The following FARP2 variants were observed in gnomAD, a reference collection of about 807,000 sequenced individuals.
FARP2 encodes FERM, ARHGEF and pleckstrin domain-containing protein 2.
FARP2 carries 111 observed loss-of-function variants against 130.5 expected under a neutral mutation model. The ratio of observed to expected loss-of-function variants is 0.85; its 90% CI spans 0.73 to 1.00. The LOEUF (loss-of-function observed/expected upper bound fraction) is 1.00, where lower values mean the gene tolerates loss of function less well. Ranked by LOEUF, FARP2 falls within the 50% of genes least tolerant of loss-of-function variation. The pLI is 0.00. For missense variants in FARP2, 1,385 were observed against 1,346.3 expected (o/e 1.03, Z -0.45); for synonymous variants, 504 against 516.9 (o/e 0.98, Z 0.34).
chr2:241,464,083 G>A (rs561354995), intron 17 of FARP2, 103 bp downstream of exon 17: 5 of 929,970 alleles, frequency 5.4e-6, no homozygotes, highest in Non-Finnish European at 8.5e-6. Context: ...TCAGAAAAGG[G>A]TCCCCTCAGA....
At chr2:241,453,367 A>G (rs1417100490) in intron 13 of FARP2, among the ~76,000 whole-genome samples, 1 of 151,570 alleles carries the variant, frequency 6.6e-6, no homozygotes, top group African/African-American at 2.4e-5. Context: ...TCATGCCTGT[A>G]ATCCCAGCAC....
At chr2:241,431,457 C>T (rs761808688) in intron 8 of FARP2, among the ~76,000 whole-genome samples, 1 of 151,918 alleles carries the variant, frequency 6.6e-6, no homozygotes, top group Non-Finnish European at 1.5e-5. Flanking sequence ...GCCTGGGCAA[C>T]AGAGCAAGAC....
intron 17 of FARP2, chr2:241,465,780 C>G: frequency 6.4e-7 from 1 of 1,550,446 alleles, no homozygotes; most frequent in South Asian, 1.2e-5. Context: ...CTCCTCCATC[C>G]CTCGCCTGTC....
chr2:241,463,272 G>T, intron 15 of FARP2, 63 bp from the exon 16 acceptor site: 1 of 1,576,528 alleles, frequency 6.3e-7, no homozygotes. Flanking sequence ...AGGCCCTCAG[G>T]GGCACAGTTT....
chr2:241,460,735 TG>T (rs2063990507), intron 14 of FARP2, among the ~76,000 whole-genome samples: 1 of 152,292 alleles, frequency 6.6e-6, no homozygotes, highest in South Asian at 2.1e-4. Context: ...AGCTTCTCTG[TG>T]GGGAGGAGGC....
chr2:241,450,321 G>T (rs1438650168), intron 13 of FARP2, among the ~76,000 whole-genome samples: 1 of 149,842 alleles, frequency 6.7e-6, no homozygotes, highest in Non-Finnish European at 1.5e-5. Flanking sequence ...CATGATTGTG[G>T]CACTCCACTC....
chr2:241,461,411 A>G (rs1179046817), intron 14 of FARP2, among the ~76,000 whole-genome samples: 1 of 151,992 alleles, frequency 6.6e-6, no homozygotes, highest in Non-Finnish European at 1.5e-5. Context: ...CAAAGGGTCC[A>G]GAAGGCCCAC....
intron 1 of FARP2, among the ~76,000 whole-genome samples, chr2:241,360,177 T>C (rs1477657944): frequency 6.6e-6 from 1 of 152,144 alleles, no homozygotes; most frequent in Non-Finnish European, 1.5e-5. Context: ...TCCCTAAGCA[T>C]TTAGACTTGC....
At chr2:241,383,966 A>G (rs560600924) in intron 2 of FARP2, among the ~76,000 whole-genome samples, 13 of 152,104 alleles carry the variant, frequency 8.5e-5, no homozygotes, top group Admixed American at 4.6e-4. Flanking sequence ...AGTGCACCAG[A>G]TGCAAGGCGG....
rs1015555461 is a variant in FARP2, at chr2:241,356,286, G to T, written c.-127G>T. ...GCTGCGCGGGGGCTGCCGGCGGGCA[G>T]TTGGGAGCAGGCGACGCCGACGCGA... On this transcript the variant is annotated 5_prime_UTR_variant, in exon 1 of 27. Coordinates refer to ENST00000264042, the MANE Select transcript of FARP2 (RefSeq NM_014808.4). 5.2e-5 allele frequency: 8 copies of T among 152,496 alleles called. No individual in the cohort carries two copies. Among genetic ancestry groups the T allele is most frequent in the Non-Finnish European group, 1.2e-4 (8 of 68,038 alleles). 9.4% of individuals were successfully genotyped at this position (152,496 alleles called of 1,614,324 possible).
rs182444368 is a variant in FARP2 at position 241,454,212 on chromosome 2, C to T, written c.1412-2535C>T. On this transcript the variant is annotated intron_variant, in intron 13 of 26. Coordinates refer to ENST00000264042, the MANE Select transcript of FARP2 (RefSeq NM_014808.4). ...GAGTATGCCGTTTCCTCAAGTTTTA[C>T]CTCCTGCAACTTAAAGGCAGATTTT... is the stretch of plus-strand genomic sequence containing the variant. 4.5e-3 allele frequency among the ~76,000 whole-genome samples: 689 copies of T among 152,240 alleles called. 6 individuals carry two copies. The highest frequency in any genetic ancestry group is 0.029 in the South Asian group (139 of 4,814).
intron 9 of FARP2, 142 bp downstream of exon 9, chr2:241,431,916 G>C: frequency 4.3e-6 from 1 of 233,528 alleles, no homozygotes; most frequent in Non-Finnish European, 7.8e-6. Context: ...CTGCCTCCCG[G>C]GTTCAAGCGA....
At chr2:241,472,824 G>A (rs922115445) in intron 18 of FARP2, among the ~76,000 whole-genome samples, 5 of 143,574 alleles carry the variant, frequency 3.5e-5, no homozygotes, top group Non-Finnish European at 6.1e-5. Context: ...CTGAGGGGAC[G>A]CTATTCTGAA....
At chr2:241,484,182 G>T in intron 20 of FARP2, 60 bp from the exon 21 acceptor site, 1 of 1,607,338 alleles carries the variant, frequency 6.2e-7, no homozygotes, top group East Asian at 2.2e-5. Context: ...GTCCAAGTTG[G>T]TCTGACTATT....
intron 7 of FARP2, 116 bp downstream of exon 7, chr2:241,413,537 C>T (rs1348813289): frequency 5.4e-6 from 4 of 737,774 alleles, no homozygotes; most frequent in Admixed American, 5.0e-5. Flanking sequence ...AGGACCATTG[C>T]TCCTGGCCTC....
At chr2:241,486,099 T>TA (rs2064745698) in intron 21 of FARP2, among the ~76,000 whole-genome samples, 1 of 152,130 alleles carries the variant, frequency 6.6e-6, no homozygotes, top group Admixed American at 6.5e-5. Flanking sequence ...AGTATACTTT[T>TA]AAAAATTACA....
chr2:241,365,421 GA>G (rs1277173081), intron 1 of FARP2, among the ~76,000 whole-genome samples: 1 of 152,066 alleles, frequency 6.6e-6, no homozygotes, highest in Admixed American at 6.6e-5. Flanking sequence ...TAAAACACTA[GA>G]AAATAATATT....
rs183588371 is a variant in FARP2 at position 241,394,594 on chromosome 2, A to G, written c.184-9234A>G. ...AACTGATTATGACACTTTATGACCTACTGTCCAGGTCGTAAGGCATCTATA... is the reference window on the plus strand; with the variant it reads ...AACTGATTATGACACTTTATGACCTGCTGTCCAGGTCGTAAGGCATCTATA... On this transcript the variant is annotated intron_variant, in intron 2 of 26. Transcript: ENST00000264042. Among the ~76,000 whole-genome samples, 59 of 152,222 alleles carry G rather than the reference A, an allele frequency of 3.9e-4. 1 individual carries two copies. The highest frequency in any genetic ancestry group is 7.6e-4 in the Non-Finnish European group (52 of 68,008).
intron 17 of FARP2, among the ~76,000 whole-genome samples, chr2:241,467,827 C>T (rs1310768177): frequency 6.6e-6 from 1 of 152,180 alleles, no homozygotes; most frequent in Non-Finnish European, 1.5e-5. Context: ...CCAGCTGCAG[C>T]CTTCCCATCC....
Sources: allele counts gnomAD v4.1 joint callset (sites outside exome capture counted in the v4.1 genomes callset), GRCh38; gene constraint gnomAD v4.1.1; transcripts MANE v1.5; gene names NCBI Gene and HGNC (gene_info 2026-07-23, HGNC 2026-07-21).